ARHGEF12: variants seen among roughly 807,000 people sequenced by gnomAD.
ARHGEF12 encodes the protein KMT2A/ARHGEF12 fusion protein.
In ARHGEF12, 66 loss-of-function variants were observed where a neutral mutation model predicts 211.2. The observed-to-expected ratio is 0.31, with a 90% CI of 0.26 to 0.38. The LOEUF (loss-of-function observed/expected upper bound fraction) is 0.38, where lower values mean the gene tolerates loss of function less well. ARHGEF12 is among the 10% of genes least tolerant of loss of function. ARHGEF12 has a pLI of 1.00. For synonymous variants in ARHGEF12, 592 were observed against 638.4 expected (o/e 0.93, Z 1.09); for missense variants, 1,429 against 1,869.5 (o/e 0.76, Z 4.34).
chr11:120,377,434 G>A (rs978063613), intron 1 of ARHGEF12, among the ~76,000 whole-genome samples: 3 of 151,938 alleles, frequency 2.0e-5, no homozygotes, highest in Admixed American at 6.6e-5. Flanking sequence ...TTAATATCCT[G>A]GGCTCAAGTG....
intron 34 of ARHGEF12, chr11:120,476,981 G>C (rs1947050422): frequency 1.7e-6 from 1 of 579,632 alleles, no homozygotes; most frequent in African/African-American, 1.9e-5. Context: ...GTCAAGTGAA[G>C]TTTTTTTAAT....
chr11:120,477,884 A>G (rs1449096123), intron 36 of ARHGEF12, among the ~76,000 whole-genome samples: 6 of 146,944 alleles, frequency 4.1e-5, no homozygotes, highest in Non-Finnish European at 8.9e-5. Context: ...AGAAAAAAAG[A>G]AAAAAAAGAA....
At chr11:120,413,367 ATTTATG>A (rs1306563929) in intron 4 of ARHGEF12, among the ~76,000 whole-genome samples, 1 of 152,138 alleles carries the variant, frequency 6.6e-6, no homozygotes, top group Non-Finnish European at 1.5e-5. Flanking sequence ...AATTACTTAT[ATTTATG>A]TTTATCTTTA....
chr11:120,398,219 G>A (rs947282981), intron 1 of ARHGEF12, among the ~76,000 whole-genome samples: 8 of 152,146 alleles, frequency 5.3e-5, no homozygotes, highest in African/African-American at 1.7e-4. Context: ...ATTAGGATAA[G>A]CCACATTTGT....
intron 1 of ARHGEF12, among the ~76,000 whole-genome samples, chr11:120,365,184 G>A (rs1024182108): frequency 6.6e-6 from 1 of 151,528 alleles, no homozygotes; most frequent in Non-Finnish European, 1.5e-5. Context: ...TTAACTATGT[G>A]TATATATATA....
chr11:120,407,738 G>T lies in ARHGEF12; in HGVS notation c.57G>T (p.Arg19Ser), dbSNP rs777494226. Residue 19 changes from arginine (R) to serine (S), a missense_variant and splice_region_variant, in exon 3 of 41, where the codon AGG becomes AGT. Transcript: ENST00000397843. ...ATTTGATTACTTTGCTTTAATTTAG[G>T]CATGGAAGTATTTTGAACCGAGAGT... ...TDRFPLKKPIRHGSILNRESP... is the reference protein window; with the variant it reads ...TDRFPLKKPISHGSILNRESP... The T allele has an allele frequency of 6.2e-6, 10 of 1,611,306 alleles. No individual in the cohort carries two copies. The highest frequency in any genetic ancestry group is 8.5e-6 in the Non-Finnish European group (10 of 1,178,460).
At chr11:120,339,235 T>A (rs981782965) in intron 1 of ARHGEF12, among the ~76,000 whole-genome samples, 80 of 152,236 alleles carry the variant, frequency 5.3e-4, no homozygotes, top group Non-Finnish European at 5.9e-4. Flanking sequence ...GGTCTTTTTT[T>A]ATTAAGAATT....
At chr11:120,380,129 C>G (rs1370403531) in intron 1 of ARHGEF12, among the ~76,000 whole-genome samples, 1 of 152,142 alleles carries the variant, frequency 6.6e-6, no homozygotes, top group Non-Finnish European at 1.5e-5. Context: ...CTGAGAGTAC[C>G]CACTATTCTG....
chr11:120,406,009 TA>T, intron 1 of ARHGEF12, 108 bp from the exon 2 acceptor site: 6 of 797,682 alleles, frequency 7.5e-6, no homozygotes, highest in Non-Finnish European at 1.2e-5. Context: ...ATTGGAAAGT[TA>T]CCATAAGATT....
At chr11:120,424,767 A>G (rs775423369) in intron 7 of ARHGEF12, among the ~76,000 whole-genome samples, 5 of 152,206 alleles carry the variant, frequency 3.3e-5, no homozygotes, top group Non-Finnish European at 4.4e-5. Context: ...TATTCCTGTC[A>G]TTCTTGGTAA....
At chr11:120,442,412 TTA>T (rs753610695) in intron 15 of ARHGEF12, among the ~76,000 whole-genome samples, 114 of 145,110 alleles carry the variant, frequency 7.9e-4, no homozygotes, top group African/African-American at 1.9e-3. Flanking sequence ...TTTTAGGGGA[TTA>T]TATATATATA....
intron 1 of ARHGEF12, among the ~76,000 whole-genome samples, chr11:120,366,160 G>A (rs569372733): frequency 2.6e-5 from 4 of 152,166 alleles, no homozygotes; most frequent in Admixed American, 6.5e-5. Flanking sequence ...GGAGGCTGAG[G>A]TGGAAGGATT....
At position 120,477,032 on chromosome 11, in the gene ARHGEF12, G is replaced by A. The variant is rs777686375; in HGVS notation, c.3366-187G>A. The A allele has an allele frequency of 3.3e-4, 206 of 618,040 alleles. 1 individual carries two copies. The highest frequency in any genetic ancestry group is 5.3e-4 in the Non-Finnish European group (188 of 356,984). The allele number at this position is 618,040 out of a possible 1,614,324, so 38.3% of individuals were successfully genotyped here. A position where few individuals can be genotyped will look rare whatever the true frequency, so the allele number is the denominator to read the frequency against. On this transcript the variant is annotated intron_variant, in intron 34 of 40. Coordinates refer to ENST00000397843, the MANE Select transcript of ARHGEF12 (RefSeq NM_015313.3). ...TCTTAAGGTATAGTTTTGGACTCTCGCCTTAATAGTGTGTTGCCAAAATAA... is the reference window on the plus strand; with the variant it reads ...TCTTAAGGTATAGTTTTGGACTCTCACCTTAATAGTGTGTTGCCAAAATAA...
chr11:120,429,657 C>G, intron 9 of ARHGEF12, 55 bp from the exon 10 acceptor site: 1 of 1,578,326 alleles, frequency 6.3e-7, no homozygotes, highest in Non-Finnish European at 8.6e-7. Flanking sequence ...TGGACTATTT[C>G]TGTATCTTTT....
intron 2 of ARHGEF12, among the ~76,000 whole-genome samples, chr11:120,406,933 A>G (rs1021194485): frequency 2.6e-5 from 4 of 152,224 alleles, no homozygotes; most frequent in African/African-American, 7.2e-5. Context: ...ATCCATGTCT[A>G]TATATTTATT....
chr11:120,406,824 C>G (rs568865194), intron 2 of ARHGEF12, among the ~76,000 whole-genome samples: 6 of 152,274 alleles, frequency 3.9e-5, no homozygotes, highest in African/African-American at 1.4e-4. Flanking sequence ...TCCGAAAGTG[C>G]TGGGATTACA....
At chr11:120,344,310 G>A (rs1942636663) in intron 1 of ARHGEF12, among the ~76,000 whole-genome samples, 1 of 143,396 alleles carries the variant, frequency 7.0e-6, no homozygotes, top group African/African-American at 2.6e-5. Flanking sequence ...GACTTCATCA[G>A]CCTCTGAAGG....
At chr11:120,442,386 G>T (rs1337593299) in intron 15 of ARHGEF12, among the ~76,000 whole-genome samples, 184 bp downstream of exon 15, 2 of 145,936 alleles carry the variant, frequency 1.4e-5, no homozygotes, top group Non-Finnish European at 3.0e-5. Context: ...TTAGGCATAT[G>T]AATTCTCACA....
Position 120,480,390 on chromosome 11 carries a change from A to T in ARHGEF12, c.4197A>T (p.Ala1399=). The T allele has an allele frequency of 6.2e-7, 1 of 1,613,212 alleles. No individual in the cohort carries two copies. ...AGAATCCATCAGAAGGTGATGGAGC[A>T]GTTAACAAGGAAGAGAAGGATGTTA... ...SDENPSEGDG[A]VNKEEKDVNL... The change falls in exon 38 of 41, where the codon GCA becomes GCT. Residue 1399 remains alanine, a synonymous_variant. Coordinates refer to ENST00000397843, the MANE Select transcript of ARHGEF12 (RefSeq NM_015313.3).
Sources: allele counts gnomAD v4.1 joint callset (sites outside exome capture counted in the v4.1 genomes callset), GRCh38; gene constraint gnomAD v4.1.1; transcripts MANE v1.5; gene names NCBI Gene and HGNC (gene_info 2026-07-23, HGNC 2026-07-21).